Variants in PTPRD observed in about 807,000 individuals in gnomAD.
The protein encoded by PTPRD is receptor-type tyrosine-protein phosphatase delta.
A neutral mutation model predicts 214.5 loss-of-function variants in PTPRD; 34 were observed. The observed-to-expected ratio is 0.16, with a 90% confidence interval of 0.12 to 0.21. The LOEUF is 0.21. PTPRD is among the 10% of genes least tolerant of loss of function. PTPRD has a pLI of 1.00. For missense variants in PTPRD, 2,545 were observed against 2,398.7 expected, an observed-to-expected ratio of 1.06 and a Z score of -1.27; for synonymous variants, 1,128 against 845.7, an observed-to-expected ratio of 1.33 and a Z score of -5.79.
intron 9 of PTPRD, among the ~76,000 whole-genome samples, chr9:9,351,757 G>T (rs1348952247): frequency 6.6e-6 from 1 of 152,014 alleles, no homozygotes; most frequent in Non-Finnish European, 1.5e-5. Context: ...GATTATAAGG[G>T]TCAGGAGCGT....
chr9:8,857,356 G>C (rs921849436), intron 11 of PTPRD, among the ~76,000 whole-genome samples: 1 of 152,116 alleles, frequency 6.6e-6, no homozygotes, highest in African/African-American at 2.4e-5. Flanking sequence ...AGCGGGGGTC[G>C]CACAAATACA....
intron 11 of PTPRD, among the ~76,000 whole-genome samples, chr9:8,921,714 G>T (rs35841018): frequency 0.16 from 23,761 of 151,830 alleles, 1,992 homozygotes; most frequent in East Asian, 0.26. Context: ...GGCTAGTCTC[G>T]AACTCCCGAC....
chr9:9,326,927 G>C (rs2040197540), intron 9 of PTPRD, among the ~76,000 whole-genome samples: 1 of 152,118 alleles, frequency 6.6e-6, no homozygotes, highest in Admixed American at 6.6e-5. Flanking sequence ...ATGTATCAAA[G>C]CCTGTCACCA....
intron 7 of PTPRD, among the ~76,000 whole-genome samples, chr9:9,575,030 C>T (rs184845462): frequency 6.6e-6 from 1 of 151,762 alleles, no homozygotes; most frequent in African/African-American, 2.4e-5. Flanking sequence ...CAATTATTGT[C>T]CACTTGCTTC....
intron 11 of PTPRD, among the ~76,000 whole-genome samples, chr9:8,971,440 T>C (rs2099237769): frequency 6.6e-6 from 1 of 151,826 alleles, no homozygotes; most frequent in Non-Finnish European, 1.5e-5. Context: ...AATTACTTGA[T>C]TTCTTTGTAT....
chr9:9,917,314 A>C (rs1369907670), intron 5 of PTPRD, among the ~76,000 whole-genome samples: 2 of 148,216 alleles, frequency 1.3e-5, no homozygotes, highest in Non-Finnish European at 3.0e-5. Context: ...AAAAAAAAAA[A>C]AAAAAAAAAG....
rs188279248 is a variant in PTPRD, at chr9:9,528,563, C to T, written c.-237+46169G>A. Among the ~76,000 whole-genome samples, 344 of 151,976 alleles carry T rather than the reference C, an allele frequency of 2.3e-3. 1 individual carries two copies. Among genetic ancestry groups the T allele is most frequent in the Non-Finnish European group, 3.9e-3 (264 of 67,968 alleles). On this transcript the variant is annotated intron_variant, in intron 8 of 45. Coordinates refer to ENST00000381196, the MANE Select transcript of PTPRD (RefSeq NM_002839.4). ...GAACAAAATACTTGAAGACATATTG[C>T]GAGAATTTTCCCAAGTTGCTGAAAA...
rs368318085 is a variant in PTPRD, at chr9:8,986,302, AT to A, written c.-104+32394del. 5.2e-3 allele frequency among the ~76,000 whole-genome samples: 788 copies of A among 152,134 alleles called. 41 individuals are homozygous for A. In the South Asian group the frequency reaches 0.11, roughly 22 times the overall value. On this transcript the variant is annotated intron_variant, in intron 11 of 45. Transcript: ENST00000381196. ...GACTTCATTTCCAATCTAAATAGAT[AT>A]TATTTTTTATTTATGGAAGTGATGT...
At chr9:9,294,465 C>T (rs1166486430) in intron 9 of PTPRD, among the ~76,000 whole-genome samples, 1 of 151,564 alleles carries the variant, frequency 6.6e-6, no homozygotes, top group African/African-American at 2.4e-5. Context: ...ACCTCTGACA[C>T]CCTGTAGGGA....
rs192747869 is a variant in PTPRD, at chr9:8,928,663, T to G, written c.-104+90034A>C. Reference sequence around the variant, plus strand: ...TTGTTCTTTTTGCTTAGTATTATCTTGGCTATATGGGCTCTTTTTTTGTTC... The same window carrying G: ...TTGTTCTTTTTGCTTAGTATTATCTGGGCTATATGGGCTCTTTTTTTGTTC... On this transcript the variant is annotated intron_variant, in intron 11 of 45. Coordinates refer to ENST00000381196, the MANE Select transcript of PTPRD (RefSeq NM_002839.4). Among the ~76,000 whole-genome samples the G allele has an allele frequency of 2.6e-5, 4 of 152,308 alleles. No homozygotes were observed. In the East Asian group the frequency reaches 7.7e-4, roughly 29 times the overall value.
At chr9:10,193,835 G>A (rs10756008) in intron 3 of PTPRD, among the ~76,000 whole-genome samples, 6 of 151,706 alleles carry the variant, frequency 4.0e-5, no homozygotes, top group African/African-American at 1.5e-4. Flanking sequence ...CACTCATATG[G>A]GCACTGACGA....
At chr9:9,917,298 G>C (rs1364944145) in intron 5 of PTPRD, among the ~76,000 whole-genome samples, 1 of 37,432 alleles carries the variant, frequency 2.7e-5, no homozygotes, top group South Asian at 1.0e-3. Context: ...CCATTAGCTA[G>C]ACTGAAAAAA....
At chr9:9,514,632 A>C (rs948800631) in intron 8 of PTPRD, among the ~76,000 whole-genome samples, 1 of 152,102 alleles carries the variant, frequency 6.6e-6, no homozygotes, top group Admixed American at 6.6e-5. Context: ...TCATATTCTT[A>C]AGGAGAATTG....
intron 2 of PTPRD, among the ~76,000 whole-genome samples, chr9:10,460,103 T>C (rs1193910021): frequency 6.6e-6 from 1 of 151,868 alleles, no homozygotes; most frequent in Non-Finnish European, 1.5e-5. Flanking sequence ...AATAACGACC[T>C]AGACCAAAAA....
At chr9:8,930,393 G>C (rs983724129) in intron 11 of PTPRD, among the ~76,000 whole-genome samples, 1 of 152,030 alleles carries the variant, frequency 6.6e-6, no homozygotes, top group African/African-American at 2.4e-5. Flanking sequence ...CCAAGTCTTT[G>C]CTATTGTGAA....
intron 11 of PTPRD, among the ~76,000 whole-genome samples, chr9:8,779,463 G>C (rs928268384): frequency 1.3e-5 from 2 of 152,056 alleles, no homozygotes; most frequent in African/African-American, 4.8e-5. Context: ...TCCCGGGGTT[G>C]GGTTTCCATG....
chr9:8,560,930 A>T (rs1047209409), intron 14 of PTPRD, among the ~76,000 whole-genome samples: 2 of 144,978 alleles, frequency 1.4e-5, no homozygotes, highest in Non-Finnish European at 3.0e-5. Context: ...ATTCCTTTAA[A>T]AAAAAAAAAA....
chr9:8,951,204 G>T, intron 11 of PTPRD, among the ~76,000 whole-genome samples: 1 of 150,484 alleles, frequency 6.6e-6, no homozygotes, highest in African/African-American at 2.4e-5. Context: ...GCAATTAATG[G>T]TAGACATCAA....
chr9:10,381,101 C>T (rs1172539910), intron 2 of PTPRD, among the ~76,000 whole-genome samples: 3 of 144,892 alleles, frequency 2.1e-5, no homozygotes, highest in African/African-American at 7.6e-5. Flanking sequence ...AATATAAGAC[C>T]AAAAAAAAAA....
Sources: allele counts gnomAD v4.1 joint callset (sites outside exome capture counted in the v4.1 genomes callset), GRCh38; gene constraint gnomAD v4.1.1; transcripts MANE v1.5; gene names NCBI Gene and HGNC (gene_info 2026-07-23, HGNC 2026-07-21).